RREB1: variants seen among roughly 807,000 people sequenced by gnomAD.
RREB1 encodes ras-responsive element-binding protein 1.
In RREB1, 27 loss-of-function variants were observed where a neutral mutation model predicts 117.8. The observed-to-expected ratio is 0.23, with a 90% CI of 0.17 to 0.32. The LOEUF (loss-of-function observed/expected upper bound fraction) is 0.32, where lower values mean the gene tolerates loss of function less well. Ranked by LOEUF, RREB1 falls within the 10% of genes least tolerant of loss-of-function variation. The pLI is 1.00. For synonymous variants in RREB1, 1,298 were observed against 1,026.7 expected (o/e 1.26, Z -5.05); for missense variants, 2,577 against 2,378.2 (o/e 1.08, Z -1.74).
intron 5 of RREB1, among the ~76,000 whole-genome samples, 156 bp from the exon 6 acceptor site, chr6:7,189,003 A>G (rs1765253410): frequency 6.6e-6 from 1 of 152,212 alleles, no homozygotes; most frequent in Non-Finnish European, 1.5e-5. Flanking sequence ...TTCCTGATAC[A>G]TTTTACCCCT....
At chr6:7,131,217 C>T (rs953758136) in intron 1 of RREB1, among the ~76,000 whole-genome samples, 7 of 152,020 alleles carry the variant, frequency 4.6e-5, no homozygotes, top group Admixed American at 2.0e-4. Context: ...TGAGCCACCG[C>T]GCCCGGCCAA....
intron 1 of RREB1, among the ~76,000 whole-genome samples, chr6:7,148,541 G>GC (rs1267573904): frequency 1.4e-5 from 2 of 146,222 alleles, no homozygotes; most frequent in Non-Finnish European, 1.5e-5. Context: ...CAAAAGTAAA[G>GC]TGGGGGGGGG....
intron 1 of RREB1, among the ~76,000 whole-genome samples, chr6:7,174,023 C>T (rs1183255195): frequency 2.0e-5 from 3 of 152,126 alleles, no homozygotes; most frequent in Admixed American, 1.3e-4. Flanking sequence ...CTCCTGCCTC[C>T]GTTGACTTTG....
chr6:7,231,510 G>T lies in RREB1; in HGVS notation c.3411G>T (p.Glu1137Asp). ...SEPPAPASSP[E>D]AASPTEQGPA... ...CTCCCGCTCCAGCCAGCAGCCCAGA[G>T]GCTGCCTCTCCCACCGAGCAGGGCC... The change falls in exon 10 of 13, where the codon GAG (glutamate) becomes GAT (aspartate). Residue 1137 changes from glutamate to aspartate, a missense_variant. Transcript: ENST00000379938. 2 of 1,609,694 alleles carry T rather than the reference G, an allele frequency of 1.2e-6. No individual in the cohort carries two copies. Among genetic ancestry groups the T allele is most frequent in the Non-Finnish European group, 1.7e-6 (2 of 1,178,012 alleles).
intron 12 of RREB1, among the ~76,000 whole-genome samples, chr6:7,247,896 G>A (rs1769188924): frequency 6.6e-6 from 1 of 152,226 alleles, no homozygotes; most frequent in South Asian, 2.1e-4. Flanking sequence ...CTCAGCCGCA[G>A]CTTCCCTCCC....
chr6:7,239,549 A>G (rs947712872), intron 10 of RREB1, among the ~76,000 whole-genome samples: 11 of 152,334 alleles, frequency 7.2e-5, no homozygotes, highest in Non-Finnish European at 1.6e-4. Flanking sequence ...ATCCAAGTAA[A>G]AGGAGAGGGT....
intron 1 of RREB1, among the ~76,000 whole-genome samples, chr6:7,135,069 C>T (rs920585768): frequency 1.3e-5 from 2 of 152,196 alleles, no homozygotes; most frequent in Non-Finnish European, 2.9e-5. Flanking sequence ...AATTAATCTA[C>T]TGTGATCTAT....
intron 1 of RREB1, among the ~76,000 whole-genome samples, chr6:7,154,957 G>T (rs11758778): frequency 0.041 from 6,272 of 152,262 alleles, 181 homozygotes; most frequent in Middle Eastern, 0.065. Flanking sequence ...GACAGTGTTG[G>T]TCAATACTAG....
intron 2 of RREB1, 124 bp from the exon 3 acceptor site, chr6:7,181,000 C>T (rs1331887108): frequency 1.0e-5 from 4 of 392,586 alleles, no homozygotes; most frequent in African/African-American, 8.2e-5. Flanking sequence ...CAGACATTGC[C>T]TCTCATTTGT....
chr6:7,224,438 T>C (rs1767459016), intron 8 of RREB1, among the ~76,000 whole-genome samples: 1 of 151,934 alleles, frequency 6.6e-6, no homozygotes, highest in Non-Finnish European at 1.5e-5. Context: ...CAGTCCAATA[T>C]AGATCTTTCA....
chr6:7,231,044 C>T lies in RREB1; in HGVS notation c.2945C>T (p.Thr982Ile). ...CPAPGPSLPVTLGPSGILESP... is the reference protein window; with the variant it reads ...CPAPGPSLPVILGPSGILESP... ...GCACCCGGCCCTTCTCTTCCTGTAA[C>T]TTTGGGGCCCAGCGGAATCCTGGAA... Residue 982 changes from threonine to isoleucine, a missense_variant, in exon 10 of 13, where the codon ACT becomes ATT. Coordinates refer to ENST00000379938, the MANE Select transcript of RREB1 (RefSeq NM_001003699.4). 6.2e-7 allele frequency: 1 copy of T among 1,613,974 alleles called. No homozygotes were observed. The highest frequency in any genetic ancestry group is 8.5e-7 in the Non-Finnish European group (1 of 1,180,036).
Position 7,248,996 on chromosome 6 carries a change from A to G in RREB1, c.*28A>G. 1.4e-6 allele frequency: 2 copies of G among 1,441,908 alleles called. No homozygotes were observed. Among genetic ancestry groups the G allele is most frequent in the Non-Finnish European group, 1.8e-6 (2 of 1,102,246 alleles). The allele number at this position is 1,441,908 out of a possible 1,614,324, so 89.3% of individuals were successfully genotyped here. A position where few individuals can be genotyped will look rare whatever the true frequency, so the allele number is the denominator to read the frequency against. ...GCCTCAGTCCCCCTCAGCACAGACAAAAGCCAGCAGAGCAAAGCGTCTATA... is the reference window on the plus strand; with the variant it reads ...GCCTCAGTCCCCCTCAGCACAGACAGAAGCCAGCAGAGCAAAGCGTCTATA... On this transcript the variant is annotated 3_prime_UTR_variant, in exon 13 of 13. Transcript: ENST00000379938.
Position 7,246,734 on chromosome 6 carries a change from G to C in RREB1, c.4284G>C (p.Lys1428Asn), listed in dbSNP as rs1474213806. 6.3e-7 allele frequency: 1 copy of C among 1,578,630 alleles called. No homozygotes were observed. Among genetic ancestry groups the C allele is most frequent in the Admixed American group, 1.8e-5 (1 of 54,974 alleles). The change falls in exon 12 of 13, where the codon AAG becomes AAC. Residue 1428 changes from lysine (K) to asparagine (N), a missense_variant. Transcript: ENST00000379938. Reference protein sequence around the residue: ...LDFATKLMDFKLAEGDGEAGA... With the variant: ...LDFATKLMDFNLAEGDGEAGA... ...TCGCCACCAAGCTCATGGACTTCAA[G>C]CTGGCGGAGGGCGACGGCGAGGCAG...
intron 11 of RREB1, among the ~76,000 whole-genome samples, chr6:7,242,644 C>CA (rs1768775611): frequency 6.7e-6 from 1 of 150,164 alleles, no homozygotes; most frequent in Non-Finnish European, 1.5e-5. Flanking sequence ...TTCTGGGTTC[C>CA]CCCCCCCCAG....
intron 10 of RREB1, among the ~76,000 whole-genome samples, chr6:7,238,234 T>C (rs1768467129): frequency 6.6e-6 from 1 of 152,224 alleles, no homozygotes; most frequent in Non-Finnish European, 1.5e-5. Flanking sequence ...CAATAAGTAA[T>C]TTTTTTCATT....
intron 8 of RREB1, among the ~76,000 whole-genome samples, chr6:7,219,719 T>A (rs1211629552): frequency 6.6e-6 from 1 of 152,158 alleles, no homozygotes; most frequent in African/African-American, 2.4e-5. Flanking sequence ...CCACAGGCAC[T>A]TCTCTAAGCA....
chr6:7,200,242 A>ATGTGTGTGTG (rs762239284), intron 6 of RREB1, among the ~76,000 whole-genome samples: 19 of 104,448 alleles, frequency 1.8e-4, no homozygotes, highest in East Asian at 8.8e-4. Flanking sequence ...GTATGTGTGT[A>ATGTGTGTGTG]TATGTGTGTG....
At position 7,246,577 on chromosome 6, in the gene RREB1, C is replaced by T. The variant is rs150083938; in HGVS notation, c.4127C>T (p.Pro1376Leu). The T allele has an allele frequency of 1.2e-4, 182 of 1,551,160 alleles. No homozygotes were observed. The African/African-American group carries it at 2.3e-3, about 19-fold the overall frequency. ...VEQATAETAS[P>L]VHREEHGRGE... ...CAGGCCACGGCGGAAACGGCCTCGC[C>T]GGTGCACCGGGAAGAGCACGGGCGT... The change falls in exon 12 of 13, where the codon CCG becomes CTG. Residue 1376 changes from proline (P) to leucine (L), a missense_variant. Coordinates refer to ENST00000379938, the MANE Select transcript of RREB1 (RefSeq NM_001003699.4).
intron 1 of RREB1, among the ~76,000 whole-genome samples, chr6:7,131,231 T>C (rs1274430350): frequency 1.3e-5 from 2 of 152,176 alleles, no homozygotes; most frequent in Admixed American, 1.3e-4. Context: ...CGGCCAATAC[T>C]CATTTCTAAG....
Sources: gnomAD v4.1 joint callset for allele counts (sites outside exome capture counted in the v4.1 genomes callset) on GRCh38, gnomAD v4.1.1 for gene constraint, MANE v1.5 for transcripts, NCBI Gene and HGNC (gene_info 2026-07-23, HGNC 2026-07-21) for gene names.